Variants in PUM1 observed in about 807,000 individuals in gnomAD.
The protein encoded by PUM1 is pumilio RNA binding family member 1, also known as pumilio homolog 1.
Under a neutral mutation model 131.8 loss-of-function variants are expected in PUM1, and 13 were observed. That is an observed-to-expected ratio of 0.10 (90% CI 0.06 to 0.16). The LOEUF (loss-of-function observed/expected upper bound fraction) is 0.16, where lower values mean the gene tolerates loss of function less well. PUM1 is among the 10% of genes least tolerant of loss of function. The pLI, the probability that PUM1 is intolerant of heterozygous loss-of-function variation, is 1.00. For synonymous variants in PUM1, 509 were observed against 556.5 expected (o/e 0.91, Z 1.20); for missense variants, 961 against 1,512.4 (o/e 0.64, Z 6.05).
At chr1:30,954,622 C>T (rs1234806106) in intron 14 of PUM1, among the ~76,000 whole-genome samples, 1 of 152,160 alleles carries the variant, frequency 6.6e-6, no homozygotes, top group Non-Finnish European at 1.5e-5. Context: ...TACAAATGGA[C>T]AGCTCTTAAC....
At chr1:30,961,117 C>T (rs1337952309) in intron 14 of PUM1, among the ~76,000 whole-genome samples, 3 of 151,660 alleles carry the variant, frequency 2.0e-5, no homozygotes, top group African/African-American at 4.8e-5. Flanking sequence ...TCACTTGAAC[C>T]GGGAGGCAGA....
Position 30,968,351 on chromosome 1 carries a change from C to T in PUM1, c.1645+3G>A, listed in dbSNP as rs1276420399. 6.3e-7 allele frequency: 1 copy of T among 1,584,168 alleles called. No homozygotes were observed. The highest frequency in any genetic ancestry group is 1.4e-5 in the African/African-American group (1 of 73,736). On this transcript the variant is annotated splice_donor_region_variant and intron_variant, in intron 11 of 21. Transcript: ENST00000426105. ...AGTATTAGGAATAACAATGCAGCCG[C>T]ACCTGGCATGCCTGCTGCCAGACCT... is the stretch of plus-strand genomic sequence containing the variant.
chr1:30,969,332 A>AAAAAAAAAAAAAAAAG (rs1557560979), intron 10 of PUM1, among the ~76,000 whole-genome samples: 2 of 135,206 alleles, frequency 1.5e-5, no homozygotes, highest in South Asian at 2.3e-4. Flanking sequence ...AAAAAAAAAA[A>AAAAAAAAAAAAAAAAG]AAAAGAAAAA....
At chr1:31,008,293 T>C (rs1642467700) in intron 3 of PUM1, among the ~76,000 whole-genome samples, 1 of 152,236 alleles carries the variant, frequency 6.6e-6, no homozygotes, top group Non-Finnish European at 1.5e-5. Context: ...TAAGTGGCTC[T>C]ATAATCTATC....
At chr1:30,976,355 T>C (rs907457511) in intron 9 of PUM1, among the ~76,000 whole-genome samples, 1 of 152,186 alleles carries the variant, frequency 6.6e-6, no homozygotes, top group Non-Finnish European at 1.5e-5. Flanking sequence ...TATCTCCAAG[T>C]TGAACTTCCT....
chr1:31,005,603 A>C (rs1483717395), intron 5 of PUM1, among the ~76,000 whole-genome samples: 1 of 152,158 alleles, frequency 6.6e-6, no homozygotes, highest in Non-Finnish European at 1.5e-5. Flanking sequence ...TTCAGTTCTT[A>C]TCTCACAATA....
At chr1:30,966,921 G>GCCAGACCT (rs1397604335) in intron 12 of PUM1, among the ~76,000 whole-genome samples, 3 of 151,952 alleles carry the variant, frequency 2.0e-5, no homozygotes, top group Non-Finnish European at 4.4e-5. Context: ...TCTCAGTGGA[G>GCCAGACCT]CCAGACCTTC....
At chr1:30,964,416 CA>C (rs1640540287) in intron 14 of PUM1, among the ~76,000 whole-genome samples, 1 of 152,156 alleles carries the variant, frequency 6.6e-6, no homozygotes, top group Non-Finnish European at 1.5e-5. Flanking sequence ...AATACTCTCA[CA>C]GGTAGCCAAA....
At chr1:30,972,746 G>A (rs1640970552) in intron 10 of PUM1, among the ~76,000 whole-genome samples, 1 of 150,052 alleles carries the variant, frequency 6.7e-6, no homozygotes, top group African/African-American at 2.5e-5. Context: ...ACTCCAGCCT[G>A]GGCAATAGAA....
Position 30,980,153 on chromosome 1 carries a change from G to T in PUM1, c.1263C>A (p.Pro421=). The T allele has an allele frequency of 6.2e-7, 1 of 1,613,762 alleles. No individual in the cohort carries two copies. Among genetic ancestry groups the T allele is most frequent in the Non-Finnish European group, 8.5e-7 (1 of 1,179,876 alleles). The change falls in exon 9 of 22, where the codon CCC becomes CCA. Residue 421 remains proline, a synonymous_variant. Transcript: ENST00000426105. ...TGTATGGATTGGGGACAAACGCAGC[G>T]GGAGCTAAACCTGCTGAAAACATAC... The part of the protein sequence containing the change: ...AAHQPHIGLA[P]AAFVPNPYII...
chr1:31,053,545 T>TC (rs1449686158), intron 2 of PUM1, among the ~76,000 whole-genome samples: 4 of 149,012 alleles, frequency 2.7e-5, no homozygotes, highest in Non-Finnish European at 5.9e-5. Context: ...CAATCTCGGC[T>TC]CACTGCAACC....
chr1:30,982,883 T>C (rs1641406276), intron 7 of PUM1, among the ~76,000 whole-genome samples: 1 of 152,254 alleles, frequency 6.6e-6, no homozygotes, highest in South Asian at 2.1e-4. Context: ...GGAGTATGAA[T>C]GTCAAAAGTA....
At chr1:30,964,589 C>T in intron 14 of PUM1, 85 bp downstream of exon 14, 2 of 1,190,508 alleles carry the variant, frequency 1.7e-6, no homozygotes, top group African/African-American at 1.5e-5. Flanking sequence ...AAGGGACTGT[C>T]CTTTGCTTAT....
At chr1:31,015,735 G>A (rs1208239674) in intron 3 of PUM1, among the ~76,000 whole-genome samples, 1 of 137,972 alleles carries the variant, frequency 7.2e-6, no homozygotes, top group Non-Finnish European at 1.5e-5. Context: ...GTGCAATGAT[G>A]CGATCTCAGC....
chr1:31,013,645 C>T (rs1382282733), intron 3 of PUM1, among the ~76,000 whole-genome samples: 1 of 152,160 alleles, frequency 6.6e-6, no homozygotes, highest in Non-Finnish European at 1.5e-5. Flanking sequence ...GTATATATCT[C>T]ACCACACTCT....
At chr1:31,030,815 T>C (rs1275934081) in intron 2 of PUM1, among the ~76,000 whole-genome samples, 1 of 152,222 alleles carries the variant, frequency 6.6e-6, no homozygotes, top group Non-Finnish European at 1.5e-5. Context: ...ACAGTTGCAT[T>C]ATTGTTTTCA....
At chr1:31,026,896 A>G (rs1337212514) in intron 3 of PUM1, among the ~76,000 whole-genome samples, 2 of 150,498 alleles carry the variant, frequency 1.3e-5, no homozygotes, top group Non-Finnish European at 2.9e-5. Flanking sequence ...CTGTTTTGTT[A>G]TTAACATATG....
intron 5 of PUM1, among the ~76,000 whole-genome samples, chr1:30,996,642 T>G (rs890368639): frequency 6.6e-6 from 1 of 152,254 alleles, no homozygotes; most frequent in Admixed American, 6.5e-5. Context: ...AAACCACAGC[T>G]TTGACGGCCA....
chr1:31,038,984 A>ATATATATATTTTTTTTTT lies in PUM1; in HGVS notation c.364-10121_364-10120insAAAAAAAAAATATATATA. On this transcript the variant is annotated intron_variant, in intron 2 of 21. Coordinates refer to ENST00000426105, the MANE Select transcript of PUM1 (RefSeq NM_001020658.2). The stretch of plus-strand genomic sequence containing the variant: ...TATATATATATATATATATATATAT[A>ATATATATATTTTTTTTTT]TTTTTTTTTTTTTTTTCCTTTTCTC... Among the ~76,000 whole-genome samples, 50 of 49,402 alleles carry ATATATATATTTTTTTTTT rather than the reference A, an allele frequency of 1.0e-3. 2 individuals are homozygous for ATATATATATTTTTTTTTT. Among genetic ancestry groups the ATATATATATTTTTTTTTT allele is most frequent in the East Asian group, 3.3e-3 (5 of 1,500 alleles). The allele number at this position is 49,402 out of a possible 152,430, so 32.4% of individuals were successfully genotyped here.
Sources: gnomAD v4.1 joint callset for allele counts (sites outside exome capture counted in the v4.1 genomes callset) on GRCh38, gnomAD v4.1.1 for gene constraint, MANE v1.5 for transcripts, NCBI Gene and HGNC (gene_info 2026-07-23, HGNC 2026-07-21) for gene names.